Variants in C12orf42 observed in about 807,000 individuals in gnomAD.
C12orf42 encodes chromosome 12 open reading frame 42.
C12orf42 carries 25 observed loss-of-function variants against 21.6 expected under a neutral mutation model. The ratio of observed to expected loss-of-function variants is 1.16; its 90% CI spans 0.84 to 1.62. C12orf42 has a LOEUF of 1.62. Among genes scored for constraint, C12orf42 ranks in the 40% most tolerant of loss-of-function variants. The probability of loss-of-function intolerance (pLI) is 0.00; values close to 1 mark genes in which losing one functional copy is unlikely to be tolerated. For synonymous variants in C12orf42, 174 were observed against 175.0 expected, an observed-to-expected ratio of 0.99 and a Z score of 0.05; for missense variants, 483 against 459.3, an observed-to-expected ratio of 1.05 and a Z score of -0.47.
chr12:103,146,016 T>A, the C12orf42 span, among the ~76,000 whole-genome samples: 2 of 151,982 alleles, frequency 1.3e-5, no homozygotes, highest in Non-Finnish European at 2.9e-5. Flanking sequence ...AGGTTATACA[T>A]CAAAATGCTA....
At chr12:103,128,561 C>CT in the C12orf42 span, among the ~76,000 whole-genome samples, 27 of 152,202 alleles carry the variant, frequency 1.8e-4, no homozygotes, top group Non-Finnish European at 3.2e-4. Flanking sequence ...TTTCTTGTGT[C>CT]TTACTGGACA....
chr12:103,205,663 G>T, the C12orf42 span, among the ~76,000 whole-genome samples: 5 of 151,438 alleles, frequency 3.3e-5, no homozygotes, highest in Middle Eastern at 3.4e-3. Context: ...TGCACCAAGA[G>T]ACATTTATAG....
chr12:103,267,519 GCAGA>G (rs545748538), downstream of C12orf42: 3 of 151,902 alleles, frequency 2.0e-5, no homozygotes, highest in East Asian at 1.9e-4. Context: ...TAAATTATAA[GCAGA>G]CAAATAGTAT....
At chr12:103,226,862 C>T in the C12orf42 span, among the ~76,000 whole-genome samples, 5 of 152,132 alleles carry the variant, frequency 3.3e-5, no homozygotes, top group African/African-American at 7.2e-5. Flanking sequence ...ACGAGTTGCA[C>T]TGGGCACAGA....
the C12orf42 span, among the ~76,000 whole-genome samples, chr12:103,525,631 T>C: frequency 6.6e-6 from 1 of 152,190 alleles, no homozygotes; most frequent in Admixed American, 6.5e-5. Flanking sequence ...ATATTATAAG[T>C]ATCAATATTA....
chr12:103,131,721 G>T, the C12orf42 span, among the ~76,000 whole-genome samples: 1 of 152,200 alleles, frequency 6.6e-6, no homozygotes, highest in Admixed American at 6.5e-5. Flanking sequence ...ATGATGGCAG[G>T]TTGCTCCTGA....
the C12orf42 span, among the ~76,000 whole-genome samples, chr12:103,071,282 T>G: frequency 6.6e-6 from 1 of 152,164 alleles, no homozygotes; most frequent in African/African-American, 2.4e-5. Flanking sequence ...AAGTTTATTT[T>G]TAATGTTTCT....
At chr12:103,147,820 C>T in the C12orf42 span, among the ~76,000 whole-genome samples, 4 of 151,776 alleles carry the variant, frequency 2.6e-5, no homozygotes, top group Non-Finnish European at 5.9e-5. Flanking sequence ...ACAAAATGCC[C>T]AGAAACATGG....
chr12:103,484,114 A>G (rs1954660810), intron 1 of C12orf42, among the ~76,000 whole-genome samples: 3 of 152,222 alleles, frequency 2.0e-5, no homozygotes, highest in Admixed American at 2.0e-4. Flanking sequence ...TAGTGCCGCA[A>G]TAATCATATG....
At chr12:103,197,666 C>A in the C12orf42 span, among the ~76,000 whole-genome samples, 1 of 152,180 alleles carries the variant, frequency 6.6e-6, no homozygotes, top group African/African-American at 2.4e-5. Flanking sequence ...AGTTATTGCA[C>A]TGGTTGTTTC....
chr12:103,172,069 T>A, the C12orf42 span, among the ~76,000 whole-genome samples: 18 of 152,138 alleles, frequency 1.2e-4, no homozygotes, highest in Non-Finnish European at 1.0e-4. Context: ...AAAGGCCAAG[T>A]CCAGTCTGTT....
At chr12:103,374,168 G>A (rs574368718) in intron 3 of C12orf42, among the ~76,000 whole-genome samples, 3 of 152,192 alleles carry the variant, frequency 2.0e-5, no homozygotes, top group South Asian at 4.1e-4. Flanking sequence ...CTCTATTACC[G>A]CCACCAATTT....
the C12orf42 span, among the ~76,000 whole-genome samples, chr12:103,529,291 G>T: frequency 2.6e-5 from 4 of 152,166 alleles, no homozygotes; most frequent in African/African-American, 9.7e-5. Flanking sequence ...TTCTAATGGA[G>T]CCCATAGGAT....
chr12:103,487,486 C>G (rs570206160), intron 1 of C12orf42, among the ~76,000 whole-genome samples: 1 of 152,282 alleles, frequency 6.6e-6, no homozygotes, highest in Admixed American at 6.5e-5. Flanking sequence ...TGGTGCAGAA[C>G]TGAATTTAAG....
At chr12:103,077,107 T>A in the C12orf42 span, among the ~76,000 whole-genome samples, 1 of 152,200 alleles carries the variant, frequency 6.6e-6, no homozygotes, top group African/African-American at 2.4e-5. Context: ...TTCAATTTAA[T>A]ACCAAATTAT....
intron 4 of C12orf42, among the ~76,000 whole-genome samples, chr12:103,362,678 C>T (rs1026829331): frequency 6.6e-6 from 1 of 152,024 alleles, no homozygotes; most frequent in African/African-American, 2.4e-5. Context: ...AAATAAAGGA[C>T]ACACTTAGAG....
At chr12:103,518,502 C>T in the C12orf42 span, among the ~76,000 whole-genome samples, 8 of 152,150 alleles carry the variant, frequency 5.3e-5, no homozygotes, top group East Asian at 1.9e-4. Flanking sequence ...CCACATGTGA[C>T]GACATTTTTA....
At chr12:103,333,693 G>T (rs911169870) in intron 4 of C12orf42, among the ~76,000 whole-genome samples, 2 of 151,708 alleles carry the variant, frequency 1.3e-5, no homozygotes, top group African/African-American at 4.8e-5. Context: ...GGTTGTACTA[G>T]AACCAAATTT....
chr12:103,057,349 G>A, the C12orf42 span, among the ~76,000 whole-genome samples: 17 of 151,946 alleles, frequency 1.1e-4, no homozygotes, highest in African/African-American at 2.9e-4. Context: ...TCTCCCTCCC[G>A]TTGCCCCCCA....
Sources: allele counts gnomAD v4.1 joint callset (sites outside exome capture counted in the v4.1 genomes callset), GRCh38; gene constraint gnomAD v4.1.1; transcripts MANE v1.5; gene names NCBI Gene and HGNC (gene_info 2026-07-23, HGNC 2026-07-21).